Variants in FAM107B observed in about 807,000 individuals in gnomAD.
The protein encoded by FAM107B is family with sequence similarity 107 member B.
A neutral mutation model predicts 31.5 loss-of-function variants in FAM107B; 21 were observed. The observed-to-expected ratio is 0.67, with a 90% CI of 0.47 to 0.96. The LOEUF is 0.96. Ranked by LOEUF, FAM107B falls within the 40% of genes least tolerant of loss-of-function variation. The pLI, the probability that FAM107B is intolerant of heterozygous loss-of-function variation, is 0.00. For synonymous variants in FAM107B, 157 were observed against 141.5 expected, an observed-to-expected ratio of 1.11 and a Z score of -0.78; for missense variants, 452 against 377.1, an observed-to-expected ratio of 1.20 and a Z score of -1.64.
intron 2 of FAM107B, among the ~76,000 whole-genome samples, chr10:14,581,102 G>A (rs992882536): frequency 1.3e-5 from 2 of 152,232 alleles, no homozygotes; most frequent in Non-Finnish European, 2.9e-5. Flanking sequence ...AGGGGAGGAG[G>A]AGGACAGGCA....
At chr10:14,610,328 G>A (rs984449533) in intron 2 of FAM107B, among the ~76,000 whole-genome samples, 7 of 151,552 alleles carry the variant, frequency 4.6e-5, no homozygotes, top group Non-Finnish European at 7.4e-5. Flanking sequence ...GGGTGACAGA[G>A]CAAGACTCCA....
chr10:14,721,624 A>T (rs1237529018), intron 1 of FAM107B, among the ~76,000 whole-genome samples: 4 of 151,966 alleles, frequency 2.6e-5, no homozygotes, highest in African/African-American at 4.8e-5. Context: ...TCATGTGTCT[A>T]TTGGCTGCAT....
At chr10:14,677,007 C>G (rs910905684) in intron 1 of FAM107B, among the ~76,000 whole-genome samples, 1 of 152,120 alleles carries the variant, frequency 6.6e-6, no homozygotes, top group African/African-American at 2.4e-5. Flanking sequence ...TCTCCTTTCT[C>G]CAGAGCTCTC....
intron 2 of FAM107B, among the ~76,000 whole-genome samples, chr10:14,544,140 T>C (rs7094530): frequency 0.019 from 2,969 of 152,280 alleles, 93 homozygotes; most frequent in African/African-American, 0.067. Flanking sequence ...GTGGAGCAGA[T>C]GTTATTTAAC....
intron 1 of FAM107B, among the ~76,000 whole-genome samples, chr10:14,706,354 A>G (rs1368149451): frequency 1.3e-5 from 2 of 152,050 alleles, no homozygotes; most frequent in Non-Finnish European, 2.9e-5. Context: ...CAGCCCCCCA[A>G]GTAGCTGGCA....
At chr10:14,625,958 C>G (rs955370817) in intron 2 of FAM107B, among the ~76,000 whole-genome samples, 1 of 151,478 alleles carries the variant, frequency 6.6e-6, no homozygotes, top group Non-Finnish European at 1.5e-5. Context: ...TTGCCTACAT[C>G]GTTAGAGAAC....
At chr10:14,664,397 C>T (rs1399044159) in intron 2 of FAM107B, among the ~76,000 whole-genome samples, 1 of 152,206 alleles carries the variant, frequency 6.6e-6, no homozygotes, top group Non-Finnish European at 1.5e-5. Flanking sequence ...CAGTCATGTG[C>T]CATGTAACAA....
intron 1 of FAM107B, among the ~76,000 whole-genome samples, chr10:14,741,182 A>G (rs774496104): frequency 1.3e-5 from 2 of 152,194 alleles, no homozygotes; most frequent in Non-Finnish European, 2.9e-5. Context: ...AACCTGGGCT[A>G]CAGAAAGAGG....
intron 2 of FAM107B, among the ~76,000 whole-genome samples, chr10:14,585,486 G>A (rs148354158): frequency 5.8e-4 from 88 of 152,236 alleles, no homozygotes; most frequent in African/African-American, 2.1e-3. Context: ...ACCCTGGGGG[G>A]CGCCAGGAAA....
intron 1 of FAM107B, among the ~76,000 whole-genome samples, chr10:14,675,878 C>T (rs2131486632): frequency 6.6e-6 from 1 of 152,274 alleles, no homozygotes; most frequent in African/African-American, 2.4e-5. Context: ...TCTCCAGCAG[C>T]CCGGTGCAGT....
chr10:14,582,593 G>A (rs1266121321), intron 2 of FAM107B, among the ~76,000 whole-genome samples: 5 of 151,342 alleles, frequency 3.3e-5, no homozygotes, highest in African/African-American at 4.9e-5. Flanking sequence ...TAACCAGGAT[G>A]GTCTCGATCT....
At chr10:14,718,947 G>C (rs1352810175) in intron 1 of FAM107B, among the ~76,000 whole-genome samples, 1 of 152,162 alleles carries the variant, frequency 6.6e-6, no homozygotes, top group East Asian at 1.9e-4. Context: ...TTTATTCCCA[G>C]TTCTATAGAT....
intron 3 of FAM107B, among the ~76,000 whole-genome samples, chr10:14,528,666 G>A (rs1846600021): frequency 6.6e-6 from 1 of 151,942 alleles, no homozygotes; most frequent in Non-Finnish European, 1.5e-5. Flanking sequence ...AGTACTTTAG[G>A]GAAACCCAGC....
At chr10:14,712,757 T>A (rs138716028) in intron 1 of FAM107B, among the ~76,000 whole-genome samples, 153 of 152,294 alleles carry the variant, frequency 1.0e-3, no homozygotes, top group Middle Eastern at 6.8e-3. Flanking sequence ...GAGGTTCAGA[T>A]GAGAAGTGTT....
intron 2 of FAM107B, among the ~76,000 whole-genome samples, chr10:14,608,395 AAC>A (rs1852645017): frequency 6.6e-6 from 1 of 152,238 alleles, no homozygotes; most frequent in South Asian, 2.1e-4. Flanking sequence ...TTAAAATAAA[AAC>A]ACATGCTTTG....
At chr10:14,587,338 G>C (rs1277765478) in intron 2 of FAM107B, among the ~76,000 whole-genome samples, 1 of 152,162 alleles carries the variant, frequency 6.6e-6, no homozygotes, top group African/African-American at 2.4e-5. Flanking sequence ...ATGTATTTAT[G>C]CACAGAAATA....
At chr10:14,636,129 T>C (rs189324743) in intron 2 of FAM107B, among the ~76,000 whole-genome samples, 1 of 152,284 alleles carries the variant, frequency 6.6e-6, no homozygotes, top group East Asian at 1.9e-4. Context: ...CGATGCTCCT[T>C]TGGCTTCAGG....
chr10:14,706,924 A>G (rs1403630231), intron 1 of FAM107B, among the ~76,000 whole-genome samples: 1 of 152,306 alleles, frequency 6.6e-6, no homozygotes, highest in East Asian at 1.9e-4. Flanking sequence ...CAGGAGATCG[A>G]GACCACCCTG....
intron 1 of FAM107B, among the ~76,000 whole-genome samples, chr10:14,714,097 A>G (rs561307810): frequency 1.3e-5 from 2 of 152,330 alleles, no homozygotes; most frequent in South Asian, 4.1e-4. Flanking sequence ...TATTCCCTAG[A>G]TGACATAATA....
Sources: gnomAD v4.1 joint callset for allele counts (sites outside exome capture counted in the v4.1 genomes callset) on GRCh38, gnomAD v4.1.1 for gene constraint, MANE v1.5 for transcripts, NCBI Gene and HGNC (gene_info 2026-07-23, HGNC 2026-07-21) for gene names.